ISM2: variants seen among roughly 807,000 people sequenced by gnomAD.
The protein encoded by ISM2 is isthmin-2.
A neutral mutation model predicts 58.0 loss-of-function variants in ISM2; 50 were observed. The observed-to-expected ratio is 0.86, with a 90% confidence interval of 0.69 to 1.09. The LOEUF (loss-of-function observed/expected upper bound fraction) is 1.09, where lower values mean the gene tolerates loss of function less well. ISM2 is among the 50% of genes least tolerant of loss of function. ISM2 has a pLI of 0.00. For synonymous variants in ISM2, 303 were observed against 312.4 expected (o/e 0.97, Z 0.32); for missense variants, 723 against 745.0 (o/e 0.97, Z 0.34).
chr14:77,494,282 C>T (rs754422997), intron 1 of ISM2, among the ~76,000 whole-genome samples: 28 of 152,134 alleles, frequency 1.8e-4, no homozygotes, highest in Non-Finnish European at 3.4e-4. Context: ...TCTGTAAGGC[C>T]CAGAAAATGC....
rs577303140 is a variant in ISM2, at chr14:77,487,682, T to G, written c.142-2763A>C. Among the ~76,000 whole-genome samples the G allele has an allele frequency of 2.6e-4, 40 of 152,228 alleles. No individual in the cohort carries two copies. In the South Asian group the frequency reaches 3.1e-3, roughly 12 times the overall value. On this transcript the variant is annotated intron_variant, in intron 1 of 6. Coordinates refer to ENST00000342219, the MANE Select transcript of ISM2 (RefSeq NM_199296.3). Reference sequence around the variant, plus strand: ...GATGTGGGGAACGTCTCATCTTAGTTTGGGTTCTCTTGAAGCCTACCCCAA... The same window carrying G: ...GATGTGGGGAACGTCTCATCTTAGTGTGGGTTCTCTTGAAGCCTACCCCAA...
intron 1 of ISM2, among the ~76,000 whole-genome samples, chr14:77,487,541 A>G (rs972802892): frequency 6.6e-6 from 1 of 152,222 alleles, no homozygotes; most frequent in Admixed American, 6.5e-5. Flanking sequence ...GGCAAAGGCC[A>G]GAGAGGTTCT....
intron 1 of ISM2, among the ~76,000 whole-genome samples, chr14:77,496,319 T>C (rs2079240006): frequency 6.7e-6 from 1 of 150,096 alleles, no homozygotes; most frequent in Admixed American, 6.6e-5. Flanking sequence ...AGAAACCCCA[T>C]CTCTACTAAA....
At chr14:77,486,951 C>T (rs1407335414) in intron 1 of ISM2, among the ~76,000 whole-genome samples, 1 of 151,758 alleles carries the variant, frequency 6.6e-6, no homozygotes, top group Non-Finnish European at 1.5e-5. Flanking sequence ...GTTAAGAAAG[C>T]ATGCTCTAGG....
At position 77,475,731 on chromosome 14, in the gene ISM2, G is replaced by A. The variant is rs373456605; in HGVS notation, c.1580C>T (p.Thr527Met). 10 of 1,613,990 alleles carry A rather than the reference G, an allele frequency of 6.2e-6. No homozygotes were observed. Among genetic ancestry groups the A allele is most frequent in the African/African-American group, 2.7e-5 (2 of 74,942 alleles). Reference protein sequence around the residue: ...FSPKLHFKFDTTPWILCKGDW... With the variant: ...FSPKLHFKFDMTPWILCKGDW... ...CCCCTTGCACAGGATCCAGGGCGTCGTGTCGAACTTGAAGTGCAGCTTAGG... is the reference window on the plus strand; with the variant it reads ...CCCCTTGCACAGGATCCAGGGCGTCATGTCGAACTTGAAGTGCAGCTTAGG... Residue 527 changes from threonine to methionine, a missense_variant, in exon 7 of 7, where the codon ACG (threonine) becomes ATG (methionine). Coordinates refer to ENST00000342219, the MANE Select transcript of ISM2 (RefSeq NM_199296.3). The surrounding 1 kb of genome is among the most constrained non-coding windows in gnomAD (Gnocchi z 4.1).
Position 77,498,696 on chromosome 14 carries a change from C to G in ISM2, c.98G>C (p.Arg33Pro), listed in dbSNP as rs2079264743. The change falls in exon 1 of 7, where the codon CGG becomes CCG. Residue 33 changes from arginine (R) to proline (P), a missense_variant. Coordinates refer to ENST00000342219, the MANE Select transcript of ISM2 (RefSeq NM_199296.3). ...AALGLPVKKP[R>P]LRGPRPGSLT... ...GCTCCCAGGCCGTGGTCCGCGGAGCCGCGGCTTCTTCACGGGGAGCCCTAG... is the reference window on the plus strand; with the variant it reads ...GCTCCCAGGCCGTGGTCCGCGGAGCGGCGGCTTCTTCACGGGGAGCCCTAG... The G allele has an allele frequency of 6.7e-7, 1 of 1,483,278 alleles. No individual in the cohort carries two copies. The highest frequency in any genetic ancestry group is 8.9e-7 in the Non-Finnish European group (1 of 1,124,976). 91.9% of individuals were successfully genotyped at this position (1,483,278 alleles called of 1,614,324 possible).
intron 6 of ISM2, among the ~76,000 whole-genome samples, chr14:77,478,041 G>A (rs2079108490): frequency 6.6e-6 from 1 of 152,204 alleles, no homozygotes; most frequent in African/African-American, 2.4e-5. Flanking sequence ...GACCTTCCCA[G>A]TAGGAATACC....
chr14:77,478,287 C>A lies in ISM2; in HGVS notation c.1153G>T (p.Glu385Ter), dbSNP rs2079110258. ...DKDTLGLPSE[E>*]WKLLARNATD... ...GCATTGCGGGCCAGGAGCTTCCACT[C>A]CTCACTGGGGAGGCCCAAGGTGTCC... The change falls in exon 6 of 7, where the codon GAG becomes TAG. Residue 385 changes from glutamate to a stop codon, truncating the protein, a stop_gained. Transcript: ENST00000342219. LOFTEE classifies it high-confidence loss of function. 3 of 1,614,098 alleles carry A rather than the reference C, an allele frequency of 1.9e-6. No homozygotes were observed. Among genetic ancestry groups the A allele is most frequent in the Non-Finnish European group, 2.5e-6 (3 of 1,180,032 alleles).
rs553038666 is a variant in ISM2, at chr14:77,482,623, T to A, written c.672A>T (p.Ile224=). The A allele has an allele frequency of 8.8e-6, 14 of 1,588,222 alleles. No homozygotes were observed. The Admixed American group carries it at 1.1e-4, about 12-fold the overall frequency. ...VVEDPQAEVS[I]DLLAEPSNPP... ...GATTGCTGGGCTCAGCCAACAGGTC[T>A]ATCGACACCTCGGCCTGGGGGTCCT... The change falls in exon 4 of 7, where the codon ATA becomes ATT. Residue 224 remains isoleucine (I), a synonymous_variant. Coordinates refer to ENST00000342219, the MANE Select transcript of ISM2 (RefSeq NM_199296.3).
At position 77,484,937 on chromosome 14, in the gene ISM2, A is replaced by T; in HGVS notation, c.142-18T>A. ...GCTGAGACCTGAGGGAGAGAGAAGG[A>T]AGGTAAGGTAACAGGTCAGGGCTCA... On this transcript the variant is annotated intron_variant, in intron 1 of 6. Coordinates refer to ENST00000342219, the MANE Select transcript of ISM2 (RefSeq NM_199296.3). 1 of 1,533,562 alleles carries T rather than the reference A, an allele frequency of 6.5e-7. No homozygotes were observed. Among genetic ancestry groups the T allele is most frequent in the South Asian group, 1.3e-5 (1 of 77,098 alleles). The allele number at this position is 1,533,562 out of a possible 1,614,324, so 95.0% of individuals were successfully genotyped here. A position where few individuals can be genotyped will look rare whatever the true frequency, so the allele number is the denominator to read the frequency against.
chr14:77,484,561 G>A lies in ISM2; in HGVS notation c.389C>T (p.Ser130Leu), dbSNP rs144651091. ...LSTPNPDTQASASPDPRPLRE... is the reference protein window; with the variant it reads ...LSTPNPDTQALASPDPRPLRE... ...CAGAGGCCTAGGATCTGGGGAGGCT[G>A]AAGCCTGAGGAAGAGAGAGGGAAGG... The change falls in exon 3 of 7, where the codon TCA becomes TTA. Residue 130 changes from serine (S) to leucine (L), a missense_variant. By Grantham distance (145) the Ser-to-Leu change is moderately radical. Transcript: ENST00000342219. 25 of 1,598,696 alleles carry A rather than the reference G, an allele frequency of 1.6e-5. No homozygotes were observed. The highest frequency in any genetic ancestry group is 2.7e-5 in the African/African-American group (2 of 73,570).
At chr14:77,481,149 G>T (rs2079129599) in intron 4 of ISM2, among the ~76,000 whole-genome samples, 1 of 151,924 alleles carries the variant, frequency 6.6e-6, no homozygotes, top group African/African-American at 2.4e-5. Flanking sequence ...AGATCAGCCT[G>T]GCCAAGCTGG....
At position 77,475,970 on chromosome 14, in the gene ISM2, C is replaced by A; in HGVS notation, c.1341G>T (p.Glu447Asp). Residue 447 changes from glutamate (E) to aspartate (D), a missense_variant, in exon 7 of 7, where the codon GAG becomes GAT. Physicochemically the swap from Glu to Asp is conservative, Grantham distance 45. Transcript: ENST00000342219. This position sits in a 1 kb window ranked among gnomAD's most constrained non-coding sequence, Gnocchi z 4.1. ...AMDSPVSLQD[E>D]HQGRSFRWRD... is the part of the protein sequence containing the mutation. ...TCCACCGGAAGCTGCGGCCCTGGTG[C>A]TCGTCCTGTAGGCTCACAGGGCTGT... 1 of 1,596,860 alleles carries A rather than the reference C, an allele frequency of 6.3e-7. No homozygotes were observed. The highest frequency in any genetic ancestry group is 8.5e-7 in the Non-Finnish European group (1 of 1,178,208).
chr14:77,487,423 C>G (rs2079174892), intron 1 of ISM2, among the ~76,000 whole-genome samples: 1 of 152,150 alleles, frequency 6.6e-6, no homozygotes, highest in Non-Finnish European at 1.5e-5. Context: ...GGAATGACAA[C>G]AGGACTAAGC....
At position 77,488,073 on chromosome 14, in the gene ISM2, C is replaced by T. The variant is rs1158164730; in HGVS notation, c.142-3154G>A. On this transcript the variant is annotated intron_variant, in intron 1 of 6. Coordinates refer to ENST00000342219, the MANE Select transcript of ISM2 (RefSeq NM_199296.3). ...TCTGGACACATCTTACACACCAGGC[C>T]TTCCTAGGCAATTTCCATGCCATCT... is the stretch of plus-strand genomic sequence containing the variant. Among the ~76,000 whole-genome samples the T allele has an allele frequency of 2.6e-5, 4 of 152,332 alleles. No individual in the cohort carries two copies. The East Asian group carries it at 7.7e-4, about 29-fold the overall frequency.
chr14:77,476,418 T>C (rs909442917), intron 6 of ISM2, among the ~76,000 whole-genome samples: 1 of 152,218 alleles, frequency 6.6e-6, no homozygotes. Flanking sequence ...ATGTGCTGAA[T>C]GGTGGGAAAG....
At chr14:77,490,524 G>A (rs534126436) in intron 1 of ISM2, among the ~76,000 whole-genome samples, 1 of 152,336 alleles carries the variant, frequency 6.6e-6, no homozygotes, top group East Asian at 1.9e-4. Flanking sequence ...AACGTAACTT[G>A]CCTGGAGTCA....
At position 77,498,658 on chromosome 14, in the gene ISM2, C is replaced by T. The variant is rs1341553543; in HGVS notation, c.136G>A (p.Ala46Thr). The change falls in exon 1 of 7, where the codon GCA becomes ACA. Residue 46 changes from alanine to threonine, a missense_variant. Physicochemically the swap from Ala to Thr is moderately conservative, Grantham distance 58 (BLOSUM62 0). Coordinates refer to ENST00000342219, the MANE Select transcript of ISM2 (RefSeq NM_199296.3). Reference sequence around the variant, plus strand: ...CCGGTGCCGCCGCCACTCACCTCTGCGAGCCTCGTGAGGCTCCCAGGCCGT... The same window carrying T: ...CCGGTGCCGCCGCCACTCACCTCTGTGAGCCTCGTGAGGCTCCCAGGCCGT... ...GPRPGSLTRL[A>T]EVSASPDPRP... 1 of 1,468,658 alleles carries T rather than the reference C, an allele frequency of 6.8e-7. No homozygotes were observed. Among genetic ancestry groups the T allele is most frequent in the Non-Finnish European group, 9.0e-7 (1 of 1,116,932 alleles). 91.0% of individuals were successfully genotyped at this position (1,468,658 alleles called of 1,614,324 possible). A position where few individuals can be genotyped will look rare whatever the true frequency, so the allele number is the denominator to read the frequency against.
rs773150358 is a variant in ISM2 at position 77,475,621 on chromosome 14, G to A, written c.1690C>T (p.Gln564Ter). ...DNPLEEEYLA[Q>*]LQEAKEY Reference sequence around the variant, plus strand: ...TAGTACTCCTTGGCCTCCTGCAACTGTGCTAGGTACTCCTCCTCCAGGGGG... The same window carrying A: ...TAGTACTCCTTGGCCTCCTGCAACTATGCTAGGTACTCCTCCTCCAGGGGG... Residue 564 changes from glutamine to a stop codon, truncating the protein, a stop_gained, in exon 7 of 7, where the codon CAG becomes TAG. Coordinates refer to ENST00000342219, the MANE Select transcript of ISM2 (RefSeq NM_199296.3). LOFTEE classifies it high-confidence loss of function. The surrounding 1 kb of genome is among the most constrained non-coding windows in gnomAD (Gnocchi z 4.1). 19 of 1,601,800 alleles carry A rather than the reference G, an allele frequency of 1.2e-5. No homozygotes were observed. Among genetic ancestry groups the A allele is most frequent in the Non-Finnish European group, 1.6e-5 (19 of 1,173,396 alleles).
Sources: allele counts gnomAD v4.1 joint callset (sites outside exome capture counted in the v4.1 genomes callset), GRCh38; gene constraint gnomAD v4.1.1; non-coding constraint Gnocchi (gnomAD v3.1); transcripts MANE v1.5; gene names NCBI Gene and HGNC (gene_info 2026-07-23, HGNC 2026-07-21).